SLC15A2: variants seen among roughly 807,000 people sequenced by gnomAD.
SLC15A2 encodes the protein kidney H(+)/peptide cotransporter.
A neutral mutation model predicts 95.5 loss-of-function variants in SLC15A2; 77 were observed. That is an observed-to-expected ratio of 0.81 (90% CI 0.67 to 0.97). SLC15A2 has a LOEUF of 0.97. Among genes scored for constraint, SLC15A2 ranks in the 50% least tolerant of loss-of-function variants. The pLI is 0.00. For missense variants in SLC15A2, 893 were observed against 874.4 expected (o/e 1.02, Z -0.27); for synonymous variants, 306 against 306.9 (o/e 1.00, Z 0.03).
At position 121,931,148 on chromosome 3, in the gene SLC15A2, G is replaced by C. The variant is rs113747564; in HGVS notation, c.1664+198G>C. Reference sequence around the variant, plus strand: ...CAGATATGTTGAGATCACGATTGCCGTGAAGACCACACTATATAGTTAACA... The same window carrying C: ...CAGATATGTTGAGATCACGATTGCCCTGAAGACCACACTATATAGTTAACA... On this transcript the variant is annotated intron_variant, in intron 18 of 21. Coordinates refer to ENST00000489711, the MANE Select transcript of SLC15A2 (RefSeq NM_021082.4). Among the ~76,000 whole-genome samples the C allele has an allele frequency of 8.3e-3, 1,262 of 152,194 alleles. 18 individuals carry two copies. Among genetic ancestry groups the C allele is most frequent in the African/African-American group, 0.029 (1,196 of 41,508 alleles).
Position 121,924,444 on chromosome 3 carries a change from C to T in SLC15A2, c.1035+61C>T, listed in dbSNP as rs878864252. Reference sequence around the variant, plus strand: ...GTTTCCTTATCTATGCCTCCACCTGCAGTATTACGATTAACAACCATAATT... The same window carrying T: ...GTTTCCTTATCTATGCCTCCACCTGTAGTATTACGATTAACAACCATAATT... On this transcript the variant is annotated intron_variant, in intron 12 of 21. Coordinates refer to ENST00000489711, the MANE Select transcript of SLC15A2 (RefSeq NM_021082.4). 9.6e-5 allele frequency: 133 copies of T among 1,380,368 alleles called. 1 individual carries two copies. The South Asian group carries it at 1.5e-3, about 15-fold the overall frequency. 85.5% of individuals were successfully genotyped at this position (1,380,368 alleles called of 1,614,324 possible). A position where few individuals can be genotyped will look rare whatever the true frequency, so the allele number is the denominator to read the frequency against.
At chr3:121,905,869 T>C (rs932454358) in intron 3 of SLC15A2, among the ~76,000 whole-genome samples, 1 of 152,206 alleles carries the variant, frequency 6.6e-6, no homozygotes, top group African/African-American at 2.4e-5. Flanking sequence ...TAGGTCCACT[T>C]GGTGCAGAGC....
rs772281866 is a variant in SLC15A2, at chr3:121,924,335, T to C, written c.1003-16T>C. The C allele has an allele frequency of 1.2e-6, 2 of 1,611,554 alleles. No homozygotes were observed. Among genetic ancestry groups the C allele is most frequent in the Non-Finnish European group, 1.7e-6 (2 of 1,177,908 alleles). ...TCTTCAGACATCAACTAAATTAATT[T>C]GTTAAAATGTTTCAGGGGTTTTTTG... On this transcript the variant is annotated splice_polypyrimidine_tract_variant and intron_variant, in intron 11 of 21. Coordinates refer to ENST00000489711, the MANE Select transcript of SLC15A2 (RefSeq NM_021082.4).
chr3:121,897,622 C>G (rs1225529116), intron 3 of SLC15A2, 93 bp downstream of exon 3: 31 of 1,231,402 alleles, frequency 2.5e-5, no homozygotes, highest in Non-Finnish European at 3.3e-5. Context: ...AAGAACATAC[C>G]TATGTCATGC....
rs533500981 is a variant in SLC15A2 at position 121,909,558 on chromosome 3, C to T, written c.336-2016C>T. On this transcript the variant is annotated intron_variant, in intron 3 of 21. Coordinates refer to ENST00000489711, the MANE Select transcript of SLC15A2 (RefSeq NM_021082.4). ...CTTGCTCCTCCTATTAGTTTCCTGC[C>T]ATTAGTTTCCTCTCTTATATCCCTC... is the stretch of plus-strand genomic sequence containing the variant. 5.3e-5 allele frequency among the ~76,000 whole-genome samples: 8 copies of T among 152,248 alleles called. No homozygotes were observed. In the South Asian group the frequency reaches 6.2e-4, roughly 12 times the overall value.
At chr3:121,923,597 A>G (rs1356765980) in intron 11 of SLC15A2, among the ~76,000 whole-genome samples, 3 of 152,196 alleles carry the variant, frequency 2.0e-5, no homozygotes, top group African/African-American at 7.2e-5. Flanking sequence ...GACAGGTTTG[A>G]GTGGCACTAC....
intron 13 of SLC15A2, among the ~76,000 whole-genome samples, chr3:121,927,347 T>C (rs1710141416): frequency 6.6e-6 from 1 of 152,218 alleles, no homozygotes; most frequent in Non-Finnish European, 1.5e-5. Flanking sequence ...GACTGGATCA[T>C]GGGAGTGAAT....
intron 7 of SLC15A2, among the ~76,000 whole-genome samples, chr3:121,920,593 G>A (rs893210538): frequency 1.3e-5 from 2 of 152,178 alleles, no homozygotes; most frequent in African/African-American, 4.8e-5. Flanking sequence ...ACCGCGCCCA[G>A]CCGTCTAGGT....
chr3:121,938,308 C>T lies in SLC15A2; in HGVS notation c.1762-1041C>T, dbSNP rs527902361. 1.6e-3 allele frequency among the ~76,000 whole-genome samples: 249 copies of T among 152,340 alleles called. 1 individual carries two copies. Among genetic ancestry groups the T allele is most frequent in the East Asian group, 6.4e-3 (33 of 5,178 alleles). ...TGGGCTCCACCCAGTTGGAGCTTCTCGGCTGCTTTGTTTACCTAAGCAAGC... is the reference window on the plus strand; with the variant it reads ...TGGGCTCCACCCAGTTGGAGCTTCTTGGCTGCTTTGTTTACCTAAGCAAGC... On this transcript the variant is annotated intron_variant, in intron 19 of 21. Transcript: ENST00000489711.
Position 121,931,738 on chromosome 3 carries a change from A to G in SLC15A2, c.1761+3A>G, listed in dbSNP as rs780628881. 3.2e-6 allele frequency: 5 copies of G among 1,575,600 alleles called. No individual in the cohort carries two copies. The highest frequency in any genetic ancestry group is 1.1e-5 in the South Asian group (1 of 90,232). On this transcript the variant is annotated splice_donor_region_variant and intron_variant, in intron 19 of 21. Transcript: ENST00000489711. ...CATATCTGTTTGTTATTACTAATGT[A>G]AGTAGCTCACAGCCACCTCTTTACC...
At chr3:121,916,197 CT>C (rs1245403965) in intron 7 of SLC15A2, among the ~76,000 whole-genome samples, 2 of 152,124 alleles carry the variant, frequency 1.3e-5, no homozygotes, top group African/African-American at 4.8e-5. Context: ...AGGGTCTGCC[CT>C]TGAGTAAAGA....
intron 3 of SLC15A2, among the ~76,000 whole-genome samples, chr3:121,910,765 A>T (rs575800472): frequency 1.3e-4 from 20 of 152,356 alleles, no homozygotes; most frequent in South Asian, 6.2e-4. Flanking sequence ...GGTAGTACAC[A>T]TAAGGAATAT....
At chr3:121,928,913 C>G in intron 15 of SLC15A2, 69 bp from the exon 16 acceptor site, 1 of 1,530,436 alleles carries the variant, frequency 6.5e-7, no homozygotes. Context: ...CCCTGAGATG[C>G]TACATCGTGA....
At chr3:121,922,324 T>C (rs1221052298) in intron 8 of SLC15A2, 22 bp downstream of exon 8, 1 of 1,600,620 alleles carries the variant, frequency 6.2e-7, no homozygotes, top group East Asian at 2.2e-5. Context: ...AATTGTTTTC[T>C]TGCCTTTTTC....
At position 121,925,017 on chromosome 3, in the gene SLC15A2, T is replaced by A; in HGVS notation, c.1108T>A (p.Cys370Ser). The change falls in exon 13 of 22, where the codon TGT (cysteine) becomes AGT (serine). Residue 370 changes from cysteine (C) to serine (S), a missense_variant. By Grantham distance (112) the Cys-to-Ser change is moderately radical (BLOSUM62 -1). Coordinates refer to ENST00000489711, the MANE Select transcript of SLC15A2 (RefSeq NM_021082.4). ...TGTCATTTATCGTCTGGTCTCCAAG[T>A]GTGGAATTAACTTCTCGTAAGTGTT... ...DFVIYRLVSK[C>S]GINFSSLRKM... 1.2e-6 allele frequency: 2 copies of A among 1,612,034 alleles called. No individual in the cohort carries two copies. Among genetic ancestry groups the A allele is most frequent in the Non-Finnish European group, 1.7e-6 (2 of 1,178,138 alleles).
chr3:121,903,974 A>G (rs1287992619), intron 3 of SLC15A2, among the ~76,000 whole-genome samples: 7 of 152,140 alleles, frequency 4.6e-5, no homozygotes, highest in African/African-American at 1.7e-4. Context: ...GACTCTTCCT[A>G]TCCATGAGCA....
intron 3 of SLC15A2, among the ~76,000 whole-genome samples, chr3:121,901,904 G>T (rs193014316): frequency 2.0e-5 from 3 of 152,206 alleles, no homozygotes. Context: ...CTTTGAGGGT[G>T]AAAAGCCTTC....
At chr3:121,918,112 G>A (rs1020115060) in intron 7 of SLC15A2, among the ~76,000 whole-genome samples, 5 of 152,104 alleles carry the variant, frequency 3.3e-5, no homozygotes, top group Non-Finnish European at 7.4e-5. Flanking sequence ...TTGGAGTGAG[G>A]CAAAGATAAT....
At chr3:121,912,932 C>A in intron 4 of SLC15A2, 89 bp from the exon 5 acceptor site, 1 of 845,908 alleles carries the variant, frequency 1.2e-6, no homozygotes, top group Non-Finnish European at 1.9e-6. Flanking sequence ...TGCCCTTGTA[C>A]ACATTTTTTC....
Sources: gnomAD v4.1 joint callset for allele counts (sites outside exome capture counted in the v4.1 genomes callset) on GRCh38, gnomAD v4.1.1 for gene constraint, MANE v1.5 for transcripts, NCBI Gene and HGNC (gene_info 2026-07-23, HGNC 2026-07-21) for gene names.